MPRIP: variants seen among roughly 807,000 people sequenced by gnomAD.
The protein encoded by MPRIP is myosin phosphatase Rho-interacting protein.
In MPRIP, 59 loss-of-function variants were observed where a neutral mutation model predicts 234.9. The observed-to-expected ratio is 0.25, with a 90% CI of 0.20 to 0.31. The LOEUF is 0.31. MPRIP is among the 10% of genes least tolerant of loss of function. The pLI is 1.00. For missense variants in MPRIP, 2,436 were observed against 3,071.0 expected (o/e 0.79, Z 4.89); for synonymous variants, 1,144 against 1,263.9 (o/e 0.91, Z 2.01).
chr17:17,098,444 G>A (rs1597799944), intron 3 of MPRIP, among the ~76,000 whole-genome samples: 1 of 152,166 alleles, frequency 6.6e-6, no homozygotes, highest in South Asian at 2.1e-4. Flanking sequence ...CCCTCGGCTA[G>A]GGGAGGAAAT....
At position 17,105,553 on chromosome 17, in the gene MPRIP, C is replaced by G. The variant is rs542633783; in HGVS notation, c.268-21149C>G. Among the ~76,000 whole-genome samples, 22 of 152,354 alleles carry G rather than the reference C, an allele frequency of 1.4e-4. No individual in the cohort carries two copies. The East Asian group carries it at 1.5e-3, about 11-fold the overall frequency. On this transcript the variant is annotated intron_variant, in intron 3 of 23. Transcript: ENST00000651222. ...AGACCAGTCAAGACAGGAAAGCTCT[C>G]ACCTCAGAGATGGATGGGTCCCTTG...
At chr17:17,060,636 G>T (rs149784647) in intron 1 of MPRIP, among the ~76,000 whole-genome samples, 37 of 152,326 alleles carry the variant, frequency 2.4e-4, no homozygotes, top group East Asian at 9.6e-4. Flanking sequence ...ACCTGCCCTC[G>T]TGCTCCCATA....
At chr17:17,176,400 G>C (rs1273663695) in intron 20 of MPRIP, 26 bp from the exon 21 acceptor site, 21 of 1,573,254 alleles carry the variant, frequency 1.3e-5, no homozygotes, top group Non-Finnish European at 1.7e-5. Context: ...CCTGAATATT[G>C]GTCCCTGATC....
At chr17:17,052,761 T>G (rs556532454) in intron 1 of MPRIP, among the ~76,000 whole-genome samples, 2 of 152,278 alleles carry the variant, frequency 1.3e-5, no homozygotes, top group East Asian at 3.9e-4. Context: ...GCTACTGGCC[T>G]AGGCAGCAGC....
rs16961324 is a variant in MPRIP, at chr17:17,084,958, A to G, written c.267+6882A>G. 6.9e-3 allele frequency among the ~76,000 whole-genome samples: 1,045 copies of G among 152,338 alleles called. 16 individuals are homozygous for G. Among genetic ancestry groups the G allele is most frequent in the African/African-American group, 0.024 (1,013 of 41,574 alleles). ...GCTTCCTTAGGCCTGGAGGCCCTTC[A>G]TGTTTAAAGGACAGGAAGGGGCAAG... On this transcript the variant is annotated intron_variant, in intron 3 of 23. Transcript: ENST00000651222.
At chr17:17,118,353 A>G (rs1184237229) in intron 3 of MPRIP, among the ~76,000 whole-genome samples, 2 of 151,892 alleles carry the variant, frequency 1.3e-5, no homozygotes, top group Non-Finnish European at 2.9e-5. Context: ...GGGTTGCAGG[A>G]CCCTCTCTGG....
chr17:17,148,538 GA>G (rs1408898747), intron 11 of MPRIP, among the ~76,000 whole-genome samples: 2 of 152,194 alleles, frequency 1.3e-5, no homozygotes, highest in African/African-American at 4.8e-5. Flanking sequence ...TAAGGTCCTT[GA>G]AAGAGCAGCA....
chr17:17,166,917 G>A lies in MPRIP; in HGVS notation c.5326G>A (p.Val1776Ile), dbSNP rs1384393349. ...GTCTGACCAGAGCCCTGGGGCCTTT[G>A]TTGCTATTCAGGAGGAGCTTGCCCA... is the stretch of plus-strand genomic sequence containing the variant. ...DVSDQSPGAF[V>I]AIQEELAQQL... Residue 1776 changes from valine (V) to isoleucine (I), a missense_variant, in exon 16 of 24, where the codon GTT becomes ATT. Physicochemically the swap from Val to Ile is conservative, Grantham distance 29. Coordinates refer to ENST00000651222, the MANE Select transcript of MPRIP (RefSeq NM_001364716.4). The surrounding 1 kb of genome is among the most constrained non-coding windows in gnomAD (Gnocchi z 4.4). 7.7e-7 allele frequency: 1 copy of A among 1,304,092 alleles called. No individual in the cohort carries two copies. Among genetic ancestry groups the A allele is most frequent in the African/African-American group, 1.5e-5 (1 of 65,858 alleles). The allele number at this position is 1,304,092 out of a possible 1,614,324, so 80.8% of individuals were successfully genotyped here. A position where few individuals can be genotyped will look rare whatever the true frequency, so the allele number is the denominator to read the frequency against.
At chr17:17,137,325 C>G (rs972756518) in intron 6 of MPRIP, among the ~76,000 whole-genome samples, 3 of 152,004 alleles carry the variant, frequency 2.0e-5, no homozygotes, top group African/African-American at 7.3e-5. Context: ...ACCAGCCTGG[C>G]CAACATAGTG....
At chr17:17,172,440 G>A (rs1016189546) in intron 17 of MPRIP, among the ~76,000 whole-genome samples, 1 of 152,126 alleles carries the variant, frequency 6.6e-6, no homozygotes, top group Non-Finnish European at 1.5e-5. Flanking sequence ...AATCAGTTTG[G>A]TTTTCTTCTA....
intron 3 of MPRIP, among the ~76,000 whole-genome samples, chr17:17,082,285 ATTTTTTTTTTTTT>A (rs71355536): frequency 2.3e-5 from 2 of 88,702 alleles, no homozygotes; most frequent in South Asian, 9.0e-4. Flanking sequence ...GCTTTTTCCA[ATTTTTTTTTTTTT>A]TTTTTTTTTT....
At chr17:17,061,749 C>T (rs1012086122) in intron 1 of MPRIP, among the ~76,000 whole-genome samples, 12 of 152,090 alleles carry the variant, frequency 7.9e-5, no homozygotes, top group African/African-American at 1.2e-4. Context: ...AGGGAGCCAG[C>T]GTAGGGTTTG....
At chr17:17,062,578 A>G (rs2088899020) in intron 1 of MPRIP, among the ~76,000 whole-genome samples, 1 of 152,204 alleles carries the variant, frequency 6.6e-6, no homozygotes, top group African/African-American at 2.4e-5. Flanking sequence ...TCTGTTGCAC[A>G]CTTCCAGGGG....
chr17:17,191,925 A>G lies in MPRIP; in HGVS notation c.*7031A>G, dbSNP rs1056286710. The G allele has an allele frequency of 2.0e-5, 3 of 152,232 alleles. No individual in the cohort carries two copies. The highest frequency in any genetic ancestry group is 7.2e-5 in the African/African-American group (3 of 41,462). The allele number at this position is 152,232 out of a possible 1,614,324, so 9.4% of individuals were successfully genotyped here. On this transcript the variant is annotated 3_prime_UTR_variant, in exon 24 of 24. Coordinates refer to ENST00000651222, the MANE Select transcript of MPRIP (RefSeq NM_001364716.4). The stretch of plus-strand genomic sequence containing the variant: ...TGTTAGGATTCAAAACCAGTTAAGT[A>G]TAAGAATTACTTCATGTGGTTTTCC...
intron 1 of MPRIP, 137 bp downstream of exon 1, chr17:17,043,108 G>A (rs1000340320): frequency 3.7e-6 from 3 of 816,650 alleles, no homozygotes; most frequent in Admixed American, 5.3e-5. Flanking sequence ...GACGGGGACG[G>A]GAAGTGCATT....
At chr17:17,086,898 C>T (rs915969518) in intron 3 of MPRIP, among the ~76,000 whole-genome samples, 2 of 152,146 alleles carry the variant, frequency 1.3e-5, no homozygotes, top group Non-Finnish European at 2.9e-5. Context: ...CTTTAAGCCC[C>T]CTCCCTTCCT....
intron 10 of MPRIP, among the ~76,000 whole-genome samples, chr17:17,146,811 G>A (rs2144532373): frequency 6.6e-6 from 1 of 152,334 alleles, no homozygotes; most frequent in East Asian, 1.9e-4. Context: ...AATGCCCTTG[G>A]CCTGGCATGA....
At chr17:17,044,984 G>C (rs989867113) in intron 1 of MPRIP, among the ~76,000 whole-genome samples, 1 of 152,186 alleles carries the variant, frequency 6.6e-6, no homozygotes. Flanking sequence ...AGAGGAGGGA[G>C]ACTCAGGGCT....
chr17:17,068,881 G>A (rs868322497), intron 1 of MPRIP, among the ~76,000 whole-genome samples: 36 of 152,028 alleles, frequency 2.4e-4, no homozygotes, highest in African/African-American at 8.0e-4. Context: ...TCTTGCTTTT[G>A]ATATATTTTG....
Sources: gnomAD v4.1 joint callset for allele counts (sites outside exome capture counted in the v4.1 genomes callset) on GRCh38, gnomAD v4.1.1 for gene constraint, Gnocchi (gnomAD v3.1) non-coding constraint, MANE v1.5 for transcripts, NCBI Gene and HGNC (gene_info 2026-07-23, HGNC 2026-07-21) for gene names.